GRAMD4: variants seen among roughly 807,000 people sequenced by gnomAD.
The protein encoded by GRAMD4 is GRAM domain containing 4.
In GRAMD4, 25 loss-of-function variants were observed where a neutral mutation model predicts 83.9. The ratio of observed to expected loss-of-function variants is 0.30; its 90% CI spans 0.22 to 0.42. The LOEUF is 0.42. GRAMD4 is among the 10% of genes least tolerant of loss of function. The pLI is 1.00. For synonymous variants in GRAMD4, 336 were observed against 320.9 expected (o/e 1.05, Z -0.50); for missense variants, 593 against 788.7 (o/e 0.75, Z 2.97).
upstream of GRAMD4, among the ~76,000 whole-genome samples, chr22:46,616,178 G>C (rs1569262449): frequency 9.0e-6 from 1 of 110,864 alleles, no homozygotes; most frequent in South Asian, 3.6e-4. Flanking sequence ...CTGTGTGTAC[G>C]TTCCCCTGTG....
intron 1 of GRAMD4, among the ~76,000 whole-genome samples, chr22:46,583,756 G>A (rs1013577538): frequency 2.0e-5 from 3 of 152,082 alleles, no homozygotes; most frequent in African/African-American, 4.8e-5. Context: ...TGTGGCCCGC[G>A]GCTACTGGTG....
upstream of GRAMD4, among the ~76,000 whole-genome samples, chr22:46,617,274 C>A (rs548967923): frequency 1.1e-3 from 169 of 150,030 alleles, no homozygotes; most frequent in African/African-American, 4.1e-3. Context: ...TTGTGGGTTC[C>A]CCCGTGTGTA....
At chr22:46,607,674 G>T (rs2081379011) in intron 1 of GRAMD4, among the ~76,000 whole-genome samples, 1 of 152,214 alleles carries the variant, frequency 6.6e-6, no homozygotes, top group Non-Finnish European at 1.5e-5. Context: ...CCTGGCCACG[G>T]TTTCCTAACT....
intron 2 of GRAMD4, among the ~76,000 whole-genome samples, chr22:46,632,678 T>C (rs896976127): frequency 9.9e-5 from 15 of 152,182 alleles, no homozygotes; most frequent in Admixed American, 9.2e-4. Context: ...CCCTTGTTCA[T>C]TGGTGAGTCC....
chr22:46,619,437 C>CA (rs1326532057), upstream of GRAMD4, among the ~76,000 whole-genome samples: 1 of 152,160 alleles, frequency 6.6e-6, no homozygotes, highest in African/African-American at 2.4e-5. Context: ...CCCAGGTTCC[C>CA]AGGCGATCCT....
Position 46,661,383 on chromosome 22 carries a change from C to T in GRAMD4, c.407C>T (p.Thr136Ile). The T allele has an allele frequency of 6.2e-7, 1 of 1,612,158 alleles. No individual in the cohort carries two copies. Among genetic ancestry groups the T allele is most frequent in the Non-Finnish European group, 8.5e-7 (1 of 1,179,234 alleles). ...CTCTTCTCTCCCTGCTTTTTAAGAA[C>T]CGAGGAGCAGATGGCTCAGCAGCCC... The part of the protein sequence containing the change: ...QKVQEVLKAR[T>I]EEQMAQQPPK... Residue 136 changes from threonine (T) to isoleucine (I), a missense_variant and splice_region_variant, in exon 5 of 19, where the codon ACC (threonine) becomes ATC (isoleucine). Physicochemically the swap from Thr to Ile is moderately conservative, Grantham distance 89. Coordinates refer to ENST00000406902, the MANE Select transcript of GRAMD4 (RefSeq NM_015124.5).
chr22:46,657,368 C>T (rs577079096), intron 3 of GRAMD4, among the ~76,000 whole-genome samples: 20 of 152,324 alleles, frequency 1.3e-4, no homozygotes, highest in South Asian at 8.3e-4. Context: ...GGTGACCCAG[C>T]GGTGTTGGTT....
chr22:46,610,247 G>A (rs2081404194), intron 1 of GRAMD4, among the ~76,000 whole-genome samples: 1 of 152,214 alleles, frequency 6.6e-6, no homozygotes, highest in African/African-American at 2.4e-5. Flanking sequence ...TGCGTGCCTG[G>A]TGAGGGCTGC....
intron 1 of GRAMD4, among the ~76,000 whole-genome samples, chr22:46,594,584 G>GT (rs1325593769): frequency 1.7e-5 from 2 of 114,546 alleles, no homozygotes; most frequent in African/African-American, 3.6e-5. Flanking sequence ...CTCTGGTTGG[G>GT]TGGGGGGGGT....
chr22:46,654,314 G>A (rs1043354595), intron 3 of GRAMD4, among the ~76,000 whole-genome samples: 1 of 152,208 alleles, frequency 6.6e-6, no homozygotes, highest in African/African-American at 2.4e-5. Flanking sequence ...GGGCTTCAGG[G>A]CCAGCCCGGG....
At chr22:46,680,348 G>A (rs973052517), downstream of GRAMD4, among the ~76,000 whole-genome samples, 1 of 151,976 alleles carries the variant, frequency 6.6e-6, no homozygotes, top group Admixed American at 6.5e-5. Context: ...GTGCTGCCTA[G>A]CCTCCTGTGC....
At chr22:46,639,083 G>T (rs1048363160) in intron 3 of GRAMD4, among the ~76,000 whole-genome samples, 1 of 152,254 alleles carries the variant, frequency 6.6e-6, no homozygotes, top group Admixed American at 6.5e-5. Flanking sequence ...TGGACTGTGT[G>T]TGTGCTTAGA....
At chr22:46,618,484 T>C (rs1601571371), upstream of GRAMD4, among the ~76,000 whole-genome samples, 1 of 151,106 alleles carries the variant, frequency 6.6e-6, no homozygotes, top group Admixed American at 6.6e-5. The surrounding 1 kb of genome is among the most constrained non-coding windows in gnomAD (Gnocchi z 5.8). Context: ...GGTCGGAGGG[T>C]TGCAAAGGGG....
chr22:46,678,163 A>G lies in GRAMD4; in HGVS notation c.*912A>G. On this transcript the variant is annotated 3_prime_UTR_variant, in exon 19 of 19. Coordinates refer to ENST00000406902, the MANE Select transcript of GRAMD4 (RefSeq NM_015124.5). ...GTGGCATGTCTGGCACATGGCCCCC[A>G]GGCTGCGGTTGCCTGGGTTGGTTGG... 1.0e-6 allele frequency: 1 copy of G among 985,576 alleles called. No homozygotes were observed. The highest frequency in any genetic ancestry group is 1.2e-6 in the Non-Finnish European group (1 of 830,056). The allele number at this position is 985,576 out of a possible 1,614,324, so 61.1% of individuals were successfully genotyped here.
chr22:46,666,595 T>A (rs779930403), intron 9 of GRAMD4, among the ~76,000 whole-genome samples: 14 of 152,102 alleles, frequency 9.2e-5, no homozygotes, highest in Admixed American at 2.0e-4. Context: ...CTTTTAAATA[T>A]GTCCCCTCTG....
At chr22:46,665,168 T>C (rs1312462525) in intron 8 of GRAMD4, among the ~76,000 whole-genome samples, 1 of 152,230 alleles carries the variant, frequency 6.6e-6, no homozygotes, top group Non-Finnish European at 1.5e-5. Context: ...TCCCCTGCCC[T>C]GTGCACATCT....
rs941410420 is a variant in GRAMD4, at chr22:46,663,687, G to T, written c.600-151G>T. On this transcript the variant is annotated intron_variant, in intron 6 of 18. Transcript: ENST00000406902. ...CCGGCGCACCCTGCTGTGCTGAGCC[G>T]CCGTGCATGGCCATTCTGTGCACTC... The T allele has an allele frequency of 2.0e-5, 15 of 737,344 alleles. No individual in the cohort carries two copies. In the African/African-American group the frequency reaches 2.3e-4, roughly 11 times the overall value. 45.7% of individuals were successfully genotyped at this position (737,344 alleles called of 1,614,324 possible).
intron 1 of GRAMD4, among the ~76,000 whole-genome samples, chr22:46,577,770 C>T (rs868165863): frequency 6.6e-6 from 1 of 152,240 alleles, no homozygotes; most frequent in South Asian, 2.1e-4. Flanking sequence ...CGCTTGTCCC[C>T]TCCGTGCACC....
At chr22:46,666,755 C>A in intron 9 of GRAMD4, 70 bp from the exon 10 acceptor site, 1 of 1,311,150 alleles carries the variant, frequency 7.6e-7, no homozygotes, top group East Asian at 2.3e-5. Flanking sequence ...CGTGCAGGGC[C>A]AGCGATTCGA....
Sources: gnomAD v4.1 joint callset for allele counts (sites outside exome capture counted in the v4.1 genomes callset) on GRCh38, gnomAD v4.1.1 for gene constraint, Gnocchi (gnomAD v3.1) non-coding constraint, MANE v1.5 for transcripts, NCBI Gene and HGNC (gene_info 2026-07-23, HGNC 2026-07-21) for gene names.